Variants in CADPS observed in about 807,000 individuals in gnomAD.
CADPS encodes the protein calcium dependent secretion activator, also known as calcium-dependent secretion activator 1.
In CADPS, 57 loss-of-function variants were observed where a neutral mutation model predicts 167.3. The ratio of observed to expected loss-of-function variants is 0.34; its 90% CI spans 0.28 to 0.42. The LOEUF (loss-of-function observed/expected upper bound fraction) is 0.42, where lower values mean the gene tolerates loss of function less well. CADPS is among the 20% of genes least tolerant of loss of function. The probability of loss-of-function intolerance (pLI) is 1.00; values close to 1 mark genes in which losing one functional copy is unlikely to be tolerated. For synonymous variants in CADPS, 676 were observed against 635.3 expected, an observed-to-expected ratio of 1.06 and a Z score of -0.96; for missense variants, 1,414 against 1,738.1, an observed-to-expected ratio of 0.81 and a Z score of 3.32.
intron 6 of CADPS, among the ~76,000 whole-genome samples, chr3:62,644,445 C>T (rs192823325): frequency 1.6e-4 from 25 of 152,194 alleles, no homozygotes; most frequent in African/African-American, 5.8e-4. Context: ...TCCTGTGGAC[C>T]GCTGAAACAG....
intron 6 of CADPS, among the ~76,000 whole-genome samples, chr3:62,638,491 A>G (rs773701160): frequency 8.5e-4 from 129 of 152,166 alleles, no homozygotes; most frequent in Non-Finnish European, 1.4e-3. Context: ...GTGGCAAGTA[A>G]TCTTCTCTGG....
intron 1 of CADPS, among the ~76,000 whole-genome samples, chr3:62,852,180 AT>A (rs1178298423): frequency 6.7e-6 from 1 of 149,540 alleles, no homozygotes; most frequent in African/African-American, 2.5e-5. Context: ...ATTCTTCTAA[AT>A]TTTTTTCAAA....
At chr3:62,651,249 C>T (rs1393713463) in intron 4 of CADPS, among the ~76,000 whole-genome samples, 169 bp from the exon 5 acceptor site, 2 of 152,176 alleles carry the variant, frequency 1.3e-5, no homozygotes, top group Admixed American at 1.3e-4. Context: ...GAGTAGACAG[C>T]TGCCTGCCTG....
intron 1 of CADPS, among the ~76,000 whole-genome samples, chr3:62,778,953 C>T (rs896981567): frequency 6.6e-5 from 10 of 151,630 alleles, no homozygotes; most frequent in East Asian, 1.9e-4. Context: ...CCCAGTGGCA[C>T]GATCTCAGCT....
chr3:62,536,356 G>T, intron 12 of CADPS, 89 bp downstream of exon 12: 1 of 1,168,186 alleles, frequency 8.6e-7, no homozygotes, highest in Non-Finnish European at 1.2e-6. Context: ...CTGTAATGGA[G>T]AAAAGAGCTT....
chr3:62,499,201 G>A lies in CADPS; in HGVS notation c.2667C>T (p.Val889=). The A allele has an allele frequency of 1.2e-6, 2 of 1,613,678 alleles. No homozygotes were observed. The highest frequency in any genetic ancestry group is 2.2e-5 in the South Asian group (2 of 91,052). ...LEDTIRLAEL[V]IEVLQQNEEH... ...CCTCATTTTGCTGAAGAACTTCAAT[G>A]ACTAGTTCAGCAAGACGTATTGTAT... Residue 889 remains valine (V), a synonymous_variant, in exon 18 of 30, where the codon GTC becomes GTT. Coordinates refer to ENST00000383710, the MANE Select transcript of CADPS (RefSeq NM_003716.4).
At chr3:62,549,446 T>G (rs1438847562) in intron 11 of CADPS, among the ~76,000 whole-genome samples, 1 of 83,556 alleles carries the variant, frequency 1.2e-5, no homozygotes, top group Admixed American at 1.7e-4. Context: ...CCATGTTTTG[T>G]GTTTTTTTTT....
intron 29 of CADPS, among the ~76,000 whole-genome samples, chr3:62,402,314 A>G (rs1166614815): frequency 6.6e-6 from 1 of 151,636 alleles, no homozygotes; most frequent in Non-Finnish European, 1.5e-5. Flanking sequence ...ATTCAGCTAC[A>G]TTTATTGTTA....
chr3:62,739,088 T>C (rs984236913), intron 3 of CADPS, among the ~76,000 whole-genome samples: 3 of 152,226 alleles, frequency 2.0e-5, no homozygotes, highest in Admixed American at 6.5e-5. Context: ...GCTTGAATTT[T>C]AGCTGGCCTT....
At chr3:62,583,914 T>A (rs2084002725) in intron 8 of CADPS, among the ~76,000 whole-genome samples, 1 of 152,130 alleles carries the variant, frequency 6.6e-6, no homozygotes, top group Non-Finnish European at 1.5e-5. Context: ...GGACTTCATG[T>A]GGGCTTCTGT....
chr3:62,565,994 A>G (rs1163701904), intron 9 of CADPS, among the ~76,000 whole-genome samples: 4 of 152,168 alleles, frequency 2.6e-5, no homozygotes, highest in Non-Finnish European at 5.9e-5. Flanking sequence ...GTTTTTTCAG[A>G]CAATTTTCGT....
At chr3:62,664,365 A>G (rs932203848) in intron 3 of CADPS, among the ~76,000 whole-genome samples, 4 of 152,210 alleles carry the variant, frequency 2.6e-5, no homozygotes, top group African/African-American at 9.7e-5. Flanking sequence ...ATACTCATAG[A>G]ACATGAGTTG....
chr3:62,870,143 G>A (rs1476521639), intron 1 of CADPS, among the ~76,000 whole-genome samples: 2 of 152,082 alleles, frequency 1.3e-5, no homozygotes, highest in African/African-American at 4.8e-5. Context: ...AATGGGGAGG[G>A]GAGAATGCCA....
intron 17 of CADPS, among the ~76,000 whole-genome samples, chr3:62,505,266 C>T (rs940006847): frequency 4.6e-5 from 7 of 152,186 alleles, no homozygotes; most frequent in Non-Finnish European, 1.0e-4. Context: ...CCAATATCCA[C>T]TCCCTTTCAA....
chr3:62,551,877 G>T (rs2077370997), intron 10 of CADPS, among the ~76,000 whole-genome samples: 1 of 152,014 alleles, frequency 6.6e-6, no homozygotes, highest in African/African-American at 2.4e-5. Context: ...TTCCTGTTGA[G>T]ACCTTCCCTG....
In CADPS at chr3:62,747,015, T is replaced by C. The variant is rs150634500; in HGVS notation, c.888+6426A>G. On this transcript the variant is annotated intron_variant, in intron 3 of 29. Coordinates refer to ENST00000383710, the MANE Select transcript of CADPS (RefSeq NM_003716.4). ...AACTATAAAGTCATTGAGAGGTGTGTAGTGAACAAAGAGGACAATTAGTCA... is the reference window on the plus strand; with the variant it reads ...AACTATAAAGTCATTGAGAGGTGTGCAGTGAACAAAGAGGACAATTAGTCA... 9.2e-5 allele frequency among the ~76,000 whole-genome samples: 14 copies of C among 152,316 alleles called. No individual in the cohort carries two copies. In the East Asian group the frequency reaches 2.5e-3, roughly 27 times the overall value.
At chr3:62,496,540 G>A (rs994401140) in intron 18 of CADPS, among the ~76,000 whole-genome samples, 1 of 152,140 alleles carries the variant, frequency 6.6e-6, no homozygotes, top group Non-Finnish European at 1.5e-5. Flanking sequence ...TTAGCAATTT[G>A]TTCCTCATAA....
intron 6 of CADPS, among the ~76,000 whole-genome samples, chr3:62,608,329 T>C (rs943619387): frequency 1.3e-5 from 2 of 151,620 alleles, no homozygotes; most frequent in African/African-American, 4.8e-5. Context: ...GTCACCCATA[T>C]TGGAGCATAT....
intron 8 of CADPS, among the ~76,000 whole-genome samples, chr3:62,573,344 A>G (rs757069332): frequency 6.6e-6 from 1 of 151,518 alleles, no homozygotes; most frequent in Non-Finnish European, 1.5e-5. Flanking sequence ...TTTTCCATCC[A>G]TGGTTTGTTG....
Sources: allele counts gnomAD v4.1 joint callset (sites outside exome capture counted in the v4.1 genomes callset), GRCh38; gene constraint gnomAD v4.1.1; transcripts MANE v1.5; gene names NCBI Gene and HGNC (gene_info 2026-07-23, HGNC 2026-07-21).